PPARGC1A: variants seen among roughly 807,000 people sequenced by gnomAD.
PPARGC1A encodes PPARG coactivator 1 alpha, also known as peroxisome proliferator-activated receptor gamma coactivator 1-alpha.
A neutral mutation model predicts 88.7 loss-of-function variants in PPARGC1A; 25 were observed. That is an observed-to-expected ratio of 0.28 (90% CI 0.21 to 0.39). PPARGC1A has a LOEUF of 0.39. Ranked by LOEUF, PPARGC1A falls within the 10% of genes least tolerant of loss-of-function variation. The pLI, the probability that PPARGC1A is intolerant of heterozygous loss-of-function variation, is 1.00. For missense variants in PPARGC1A, 880 were observed against 968.7 expected (o/e 0.91, Z 1.22); for synonymous variants, 363 against 355.6 (o/e 1.02, Z -0.24).
At chr4:24,387,826 G>GAAAGGAAGGA in the PPARGC1A span, among the ~76,000 whole-genome samples, 1 of 53,068 alleles carries the variant, frequency 1.9e-5, no homozygotes, top group African/African-American at 5.5e-5. Context: ...GAAAGAAAGA[G>GAAAGGAAGGA]AGAAAGAGAG....
At chr4:23,994,226 G>A in the PPARGC1A span, among the ~76,000 whole-genome samples, 2 of 152,096 alleles carry the variant, frequency 1.3e-5, no homozygotes, top group Non-Finnish European at 2.9e-5. Context: ...TTCCTGTGTT[G>A]TAGGAAGTAA....
chr4:24,419,189 C>T, the PPARGC1A span, among the ~76,000 whole-genome samples: 1 of 151,866 alleles, frequency 6.6e-6, no homozygotes, highest in East Asian at 1.9e-4. Context: ...GTCGTCTCTA[C>T]TGAGAACATT....
intron 1 of PPARGC1A, among the ~76,000 whole-genome samples, chr4:23,895,988 A>G (rs900897140): frequency 2.8e-5 from 4 of 145,348 alleles, no homozygotes; most frequent in East Asian, 2.0e-4. Context: ...GTGTATATAT[A>G]TATACACACA....
the PPARGC1A span, among the ~76,000 whole-genome samples, chr4:24,044,974 C>T: frequency 0.031 from 4,695 of 152,220 alleles, 160 homozygotes; most frequent in South Asian, 0.082. Context: ...TATTTTAAGC[C>T]CTACTGAGCA....
At chr4:23,800,681 G>A (rs909942833) in intron 12 of PPARGC1A, among the ~76,000 whole-genome samples, 11 of 151,412 alleles carry the variant, frequency 7.3e-5, no homozygotes, top group African/African-American at 2.4e-4. Context: ...AAATCACTTC[G>A]TTGGTAATAG....
upstream of PPARGC1A, among the ~76,000 whole-genome samples, chr4:23,905,923 C>T (rs1239228604): frequency 6.6e-6 from 1 of 152,124 alleles, no homozygotes; most frequent in African/African-American, 2.4e-5. Flanking sequence ...CTTCACAAAT[C>T]AGAAGGGAAC....
chr4:24,339,265 CAT>C, the PPARGC1A span, among the ~76,000 whole-genome samples: 2 of 148,800 alleles, frequency 1.3e-5, no homozygotes, highest in African/African-American at 5.0e-5. Context: ...CACACACACA[CAT>C]CAGAATTCCA....
At chr4:23,920,562 T>G in the PPARGC1A span, among the ~76,000 whole-genome samples, 1 of 152,150 alleles carries the variant, frequency 6.6e-6, no homozygotes, top group African/African-American at 2.4e-5. Flanking sequence ...CTTTTACCCC[T>G]GGGTGATTTA....
chr4:24,412,518 T>A, the PPARGC1A span, among the ~76,000 whole-genome samples: 1 of 152,218 alleles, frequency 6.6e-6, no homozygotes, highest in Non-Finnish European at 1.5e-5. Context: ...CTCACTCTTG[T>A]TGCCCATGCT....
chr4:23,892,291 C>G (rs186440447), upstream of PPARGC1A, among the ~76,000 whole-genome samples: 21 of 152,250 alleles, frequency 1.4e-4, no homozygotes, highest in East Asian at 3.9e-3. Context: ...TTTCTTCACT[C>G]TCACTATCAC....
At chr4:23,953,700 A>G in the PPARGC1A span, among the ~76,000 whole-genome samples, 13 of 152,184 alleles carry the variant, frequency 8.5e-5, no homozygotes, top group Admixed American at 2.6e-4. Context: ...CCATGTCATT[A>G]CTAATGCCCA....
chr4:24,197,799 T>G, the PPARGC1A span, among the ~76,000 whole-genome samples: 1 of 152,200 alleles, frequency 6.6e-6, no homozygotes, highest in Non-Finnish European at 1.5e-5. Flanking sequence ...CAGTTAACAG[T>G]TCCTTCTTCA....
At chr4:24,469,456 C>T in the PPARGC1A span, among the ~76,000 whole-genome samples, 3 of 152,194 alleles carry the variant, frequency 2.0e-5, no homozygotes, top group South Asian at 4.1e-4. Flanking sequence ...TAGCATCTGA[C>T]GCACCTTCCC....
At chr4:23,962,435 C>T in the PPARGC1A span, among the ~76,000 whole-genome samples, 1 of 152,238 alleles carries the variant, frequency 6.6e-6, no homozygotes, top group Non-Finnish European at 1.5e-5. Context: ...CACCTCACCA[C>T]TTGCCTTTCC....
rs986662016 is a variant in PPARGC1A at position 23,795,199 on chromosome 4, G to C, written c.*623C>G. On this transcript the variant is annotated 3_prime_UTR_variant, in exon 13 of 13. Coordinates refer to ENST00000264867, the MANE Select transcript of PPARGC1A (RefSeq NM_013261.5). Reference sequence around the variant, plus strand: ...CTTTCTTAAAAAAACAGAGTACAAAGGCTGATGCCCAGACATCAGCGGCTG... The same window carrying C: ...CTTTCTTAAAAAAACAGAGTACAAACGCTGATGCCCAGACATCAGCGGCTG... 1 of 150,790 alleles carries C rather than the reference G, an allele frequency of 6.6e-6. No homozygotes were observed. The highest frequency in any genetic ancestry group is 2.0e-4 in the East Asian group (1 of 5,124). The allele number at this position is 150,790 out of a possible 1,614,324, so 9.3% of individuals were successfully genotyped here.
At chr4:24,350,599 G>A in the PPARGC1A span, among the ~76,000 whole-genome samples, 3 of 152,270 alleles carry the variant, frequency 2.0e-5, no homozygotes, top group South Asian at 6.2e-4. Context: ...ATGAAAGAAT[G>A]TATTTAGTAG....
At chr4:23,931,011 G>A in the PPARGC1A span, among the ~76,000 whole-genome samples, 45 of 152,314 alleles carry the variant, frequency 3.0e-4, no homozygotes, top group East Asian at 3.9e-4. Flanking sequence ...TGGAGTGTCC[G>A]GTGGCATTTT....
the PPARGC1A span, among the ~76,000 whole-genome samples, chr4:24,213,944 A>G: frequency 1.3e-5 from 2 of 152,240 alleles, no homozygotes; most frequent in East Asian, 3.8e-4. Context: ...CAGGCTTAAT[A>G]TGGGGCTAAT....
chr4:24,429,209 G>A, the PPARGC1A span, among the ~76,000 whole-genome samples: 2 of 152,110 alleles, frequency 1.3e-5, no homozygotes, highest in East Asian at 1.9e-4. Context: ...AAGAACTCGT[G>A]TCTATTTTTC....
Sources: allele counts gnomAD v4.1 joint callset (sites outside exome capture counted in the v4.1 genomes callset), GRCh38; gene constraint gnomAD v4.1.1; transcripts MANE v1.5; gene names NCBI Gene and HGNC (gene_info 2026-07-23, HGNC 2026-07-21).